The following LONRF3 variants were observed in gnomAD, a reference collection of about 807,000 sequenced individuals.
LONRF3 encodes LON peptidase N-terminal domain and RING finger protein 3.
LONRF3 carries 19 observed loss-of-function variants against 51.7 expected under a neutral mutation model. The observed-to-expected ratio is 0.37, with a 90% CI of 0.26 to 0.54. LONRF3 has a LOEUF of 0.54. LONRF3 is among the 20% of genes least tolerant of loss of function. The pLI is 0.86. For synonymous variants in LONRF3, 265 were observed against 257.8 expected, an observed-to-expected ratio of 1.03 and a Z score of -0.27; for missense variants, 521 against 623.9, an observed-to-expected ratio of 0.84 and a Z score of 1.76.
rs1925560559 is a variant in LONRF3, at chrX:119,017,795, C to T, written c.*105C>T. On this transcript the variant is annotated 3_prime_UTR_variant, in exon 11 of 11. Transcript: ENST00000371628. Reference sequence around the variant, plus strand: ...ATAATATCTTAACAGAAGGGGGTGTCAAACAGAGGCATCAGCCTGCTGTTG... The same window carrying T: ...ATAATATCTTAACAGAAGGGGGTGTTAAACAGAGGCATCAGCCTGCTGTTG... The T allele has an allele frequency of 6.8e-6, 5 of 740,288 alleles. No individual in the cohort carries two copies. The Middle Eastern group carries it at 1.6e-3, about 239-fold the overall frequency. The allele number at this position is 740,288 out of a possible 1,213,427, so 61.0% of individuals were successfully genotyped here.
chrX:119,001,987 A>G (rs770025329), intron 5 of LONRF3, among the ~76,000 whole-genome samples: 3 of 112,566 alleles, frequency 2.7e-5, no homozygotes, highest in Non-Finnish European at 5.6e-5. Flanking sequence ...AGGCATTCAG[A>G]TTCACAGGAC....
chrX:119,015,989 C>G (rs1168386162), intron 10 of LONRF3, among the ~76,000 whole-genome samples: 1 of 112,004 alleles, frequency 8.9e-6, no homozygotes, highest in African/African-American at 3.2e-5. Flanking sequence ...ATATTCAGAA[C>G]TGATCATAGG....
chrX:118,978,907 T>C (rs1484107182), intron 2 of LONRF3, among the ~76,000 whole-genome samples: 2 of 110,834 alleles, frequency 1.8e-5, no homozygotes, highest in Non-Finnish European at 3.8e-5. Flanking sequence ...CTTAGAACAG[T>C]GTCTGGCATG....
In LONRF3 at chrX:119,017,656, G is replaced by A. The variant is rs1351279558; in HGVS notation, c.2246G>A (p.Arg749Gln). 3.0e-5 allele frequency: 36 copies of A among 1,204,767 alleles called. 2 individuals are homozygous for A. In the Middle Eastern group the frequency reaches 9.2e-4, roughly 31 times the overall value. ...SLKDRLNGIR[R>Q]VLAFISRNQN ...AAGGACAGACTGAATGGTATTCGACGAGTCCTGGCCTTCATATCCCGAAAC... is the reference window on the plus strand; with the variant it reads ...AAGGACAGACTGAATGGTATTCGACAAGTCCTGGCCTTCATATCCCGAAAC... The change falls in exon 11 of 11, where the codon CGA becomes CAA. Residue 749 changes from arginine to glutamine, a missense_variant. Physicochemically the swap from Arg to Gln is conservative, Grantham distance 43. This residue lies in a region of LONRF3 where 145 missense variants were observed against 247.2 expected (regional missense o/e 0.59). Coordinates refer to ENST00000371628, the MANE Select transcript of LONRF3 (RefSeq NM_001031855.3).
At chrX:119,011,260 G>A (rs1444788048) in intron 7 of LONRF3, among the ~76,000 whole-genome samples, 1 of 111,301 alleles carries the variant, frequency 9.0e-6, no homozygotes, top group Non-Finnish European at 1.9e-5. Context: ...AGCATCACTG[G>A]GCTGGATTAT....
intron 5 of LONRF3, among the ~76,000 whole-genome samples, chrX:118,997,109 GA>G (rs1259819547): frequency 9.1e-6 from 1 of 109,396 alleles, no homozygotes; most frequent in Non-Finnish European, 1.9e-5. Flanking sequence ...CATAGAATTA[GA>G]AAAAAAACAA....
In LONRF3 at chrX:119,006,520, C is replaced by A. The variant is rs775339786; in HGVS notation, c.1530+285C>A. 2.0e-4 allele frequency among the ~76,000 whole-genome samples: 22 copies of A among 110,013 alleles called. No homozygotes were observed. In the East Asian group the frequency reaches 6.3e-3, roughly 31 times the overall value. On this transcript the variant is annotated intron_variant, in intron 6 of 10. Coordinates refer to ENST00000371628, the MANE Select transcript of LONRF3 (RefSeq NM_001031855.3). ...GGTTCCAGCAGTTCTCCTGCCTCAG[C>A]CTCCCAAGTAGCTGGGATTACAGGC...
chrX:119,006,199 C>T lies in LONRF3; in HGVS notation c.1494C>T (p.Asn498=), dbSNP rs1387325833. ...LKCLERCLDH[N]AKCPLCKDGL... is the part of the protein sequence containing the mutation. ...GCCTAGAAAGATGCCTAGATCACAA[C>T]GCAAAGTGTCCATTGTGCAAAGACG... The change falls in exon 6 of 11, where the codon AAC becomes AAT. Residue 498 remains asparagine, a synonymous_variant. Coordinates refer to ENST00000371628, the MANE Select transcript of LONRF3 (RefSeq NM_001031855.3). 1.6e-5 allele frequency: 19 copies of T among 1,194,381 alleles called. No homozygotes were observed. The highest frequency in any genetic ancestry group is 2.0e-5 in the Non-Finnish European group (18 of 882,408).
At chrX:118,975,720 G>GT in intron 1 of LONRF3, 123 bp downstream of exon 1, 1 of 287,539 alleles carries the variant, frequency 3.5e-6, no homozygotes, top group Non-Finnish European at 5.7e-6. Flanking sequence ...GGGACCCATG[G>GT]ACTGTGGCGG....
chrX:118,982,091 T>G (rs1444189268), intron 2 of LONRF3, among the ~76,000 whole-genome samples: 1 of 111,957 alleles, frequency 8.9e-6, no homozygotes, highest in Non-Finnish European at 1.9e-5. Context: ...AGAGTGTCTT[T>G]CCCAGAGCAG....
chrX:118,975,789 A>G (rs1921988769), intron 1 of LONRF3, among the ~76,000 whole-genome samples, 192 bp downstream of exon 1: 1 of 109,427 alleles, frequency 9.1e-6, no homozygotes, highest in Non-Finnish European at 1.9e-5. Context: ...TTCACTGCTT[A>G]TCTGTGTTTC....
Position 119,017,516 on chromosome X carries a change from T to C in LONRF3, c.2125-19T>C, listed in dbSNP as rs1398283572. ...CTTGGATGGGAATAGGATGACTCCATTGTGTTTCTCTGTTGCAGATGAACC... is the reference window on the plus strand; with the variant it reads ...CTTGGATGGGAATAGGATGACTCCACTGTGTTTCTCTGTTGCAGATGAACC... On this transcript the variant is annotated intron_variant, in intron 10 of 10. Transcript: ENST00000371628. The C allele has an allele frequency of 7.5e-6, 9 of 1,204,476 alleles. No homozygotes were observed. Among genetic ancestry groups the C allele is most frequent in the East Asian group, 3.0e-5 (1 of 33,719 alleles).
intron 10 of LONRF3, among the ~76,000 whole-genome samples, chrX:119,016,870 G>T (rs1925497565): frequency 9.0e-6 from 1 of 111,666 alleles, no homozygotes; most frequent in Non-Finnish European, 1.9e-5. Flanking sequence ...GGAATCGAAG[G>T]CCTGAATGTT....
intron 6 of LONRF3, among the ~76,000 whole-genome samples, chrX:119,008,652 G>A (rs1288881399): frequency 1.8e-5 from 2 of 112,063 alleles, no homozygotes; most frequent in Non-Finnish European, 3.8e-5. Flanking sequence ...GGCTGGGAGT[G>A]GGACAGGGCA....
At position 119,000,141 on chromosome X, in the gene LONRF3, A is replaced by G. The variant is rs139410070; in HGVS notation, c.1416-5980A>G. 6.6e-3 allele frequency among the ~76,000 whole-genome samples: 732 copies of G among 111,711 alleles called. 13 individuals are homozygous for G. The highest frequency in any genetic ancestry group is 0.023 in the African/African-American group (695 of 30,758). ...TGTTAGGAATATGATTGGTTCTCTTATTACCCTCATGTGTCCTTGGGGGAG... is the reference window on the plus strand; with the variant it reads ...TGTTAGGAATATGATTGGTTCTCTTGTTACCCTCATGTGTCCTTGGGGGAG... On this transcript the variant is annotated intron_variant, in intron 5 of 10. Coordinates refer to ENST00000371628, the MANE Select transcript of LONRF3 (RefSeq NM_001031855.3).
intron 4 of LONRF3, 137 bp from the exon 5 acceptor site, chrX:118,990,333 T>A: frequency 2.0e-6 from 1 of 498,508 alleles, no homozygotes; most frequent in Non-Finnish European, 3.5e-6. Context: ...ACGGCTCAGG[T>A]GTCCACTAAA....
chrX:119,006,467 C>T (rs1251322188), intron 6 of LONRF3, among the ~76,000 whole-genome samples: 7 of 103,203 alleles, frequency 6.8e-5, no homozygotes, highest in African/African-American at 2.6e-4. Flanking sequence ...GTGGCGTGAT[C>T]GCGGGTCACT....
At chrX:119,014,859 G>T (rs751219885) in intron 10 of LONRF3, among the ~76,000 whole-genome samples, 2 of 111,695 alleles carry the variant, frequency 1.8e-5, no homozygotes, top group Non-Finnish European at 3.8e-5. Flanking sequence ...AAAACTTTTC[G>T]TGCCTCGGTC....
intron 7 of LONRF3, 35 bp from the exon 8 acceptor site, chrX:119,011,780 G>A (rs1206435939): frequency 8.3e-7 from 1 of 1,199,016 alleles, no homozygotes; most frequent in South Asian, 1.8e-5. Context: ...CTGTCCGATT[G>A]CTTTGAGATC....
Sources: gnomAD v4.1 joint callset for allele counts (sites outside exome capture counted in the v4.1 genomes callset) on GRCh38, gnomAD v4.1.1 for gene constraint, gnomAD v4.1.1 regional missense constraint, MANE v1.5 for transcripts, NCBI Gene and HGNC (gene_info 2026-07-23, HGNC 2026-07-21) for gene names.